The following CEP83 variants were observed in gnomAD, a reference collection of about 807,000 sequenced individuals.
CEP83 encodes the protein centrosomal protein 83.
A neutral mutation model predicts 101.9 loss-of-function variants in CEP83; 70 were observed. That is an observed-to-expected ratio of 0.69 (90% CI 0.57 to 0.84). The LOEUF (loss-of-function observed/expected upper bound fraction) is 0.84. CEP83 is among the 40% of genes least tolerant of loss of function. CEP83 has a pLI of 0.00. For missense variants in CEP83, 715 were observed against 787.2 expected (o/e 0.91, Z 1.10); for synonymous variants, 264 against 267.9 (o/e 0.99, Z 0.14).
chr12:94,268,035 G>T, the CEP83 span, among the ~76,000 whole-genome samples: 1 of 152,180 alleles, frequency 6.6e-6, no homozygotes, highest in Non-Finnish European at 1.5e-5. Context: ...TCAAGGAAAG[G>T]AAAGTCGGAA....
chr12:94,378,785 T>C lies in CEP83; in HGVS notation c.801+6A>G. The C allele has an allele frequency of 6.2e-7, 1 of 1,613,620 alleles. No homozygotes were observed. The highest frequency in any genetic ancestry group is 8.5e-7 in the Non-Finnish European group (1 of 1,179,722). The stretch of plus-strand genomic sequence containing the variant: ...ATACTCTACTGGGAAGTAATTAGAA[T>C]CTTACCTCCAGGGATCTGACTGTAG... On this transcript the variant is annotated splice_donor_region_variant and intron_variant, in intron 7 of 16. Transcript: ENST00000397809.
At chr12:94,374,213 C>T (rs1327602601) in intron 8 of CEP83, among the ~76,000 whole-genome samples, 1 of 152,040 alleles carries the variant, frequency 6.6e-6, no homozygotes, top group Non-Finnish European at 1.5e-5. Context: ...AGGGTCAGCA[C>T]ACAGGTGAGC....
At chr12:94,434,739 C>G (rs1424061819) in intron 2 of CEP83, among the ~76,000 whole-genome samples, 3 of 152,170 alleles carry the variant, frequency 2.0e-5, no homozygotes, top group African/African-American at 7.2e-5. Context: ...CAAGTCTAAA[C>G]ATAAAATTCA....
chr12:94,325,183 T>C (rs2058921425), intron 14 of CEP83, among the ~76,000 whole-genome samples: 1 of 151,808 alleles, frequency 6.6e-6, no homozygotes, highest in South Asian at 2.1e-4. Flanking sequence ...CTCCCTTTTT[T>C]TTTTTTGAGA....
intron 16 of CEP83, among the ~76,000 whole-genome samples, 182 bp downstream of exon 16, chr12:94,309,736 A>C (rs902665841): frequency 6.6e-6 from 1 of 152,320 alleles, no homozygotes; most frequent in East Asian, 1.9e-4. Context: ...AACTGAATTC[A>C]GCAAATTTCT....
chr12:94,265,942 T>G, the CEP83 span, among the ~76,000 whole-genome samples: 1 of 152,162 alleles, frequency 6.6e-6, no homozygotes, highest in Non-Finnish European at 1.5e-5. Flanking sequence ...GGAAGGTAAC[T>G]TTAGAATTAG....
the CEP83 span, chr12:94,282,679 G>A: frequency 3.2e-5 from 9 of 280,162 alleles, no homozygotes; most frequent in African/African-American, 2.0e-4. Context: ...CAGGAAAAAA[G>A]TCTAGGAAAG....
chr12:94,424,706 A>G lies in CEP83; in HGVS notation c.-102+10569T>C, dbSNP rs796625574. On this transcript the variant is annotated intron_variant, in intron 2 of 16. Coordinates refer to ENST00000397809, the MANE Select transcript of CEP83 (RefSeq NM_016122.3). ...ACATTTGTTTGTGGTCTTGTCCAGT[A>G]CGGCCTTAGTGGAAACAATCTTGCC... 13 of 1,609,574 alleles carry G rather than the reference A, an allele frequency of 8.1e-6. No homozygotes were observed. The African/African-American group carries it at 1.7e-4, about 21-fold the overall frequency.
At chr12:94,296,846 T>C in the CEP83 span, among the ~76,000 whole-genome samples, 1 of 152,232 alleles carries the variant, frequency 6.6e-6, no homozygotes, top group South Asian at 2.1e-4. Flanking sequence ...GGGTGGGAAC[T>C]GGGTCTTATT....
the CEP83 span, among the ~76,000 whole-genome samples, chr12:94,279,278 TTC>T: frequency 2.6e-5 from 4 of 152,230 alleles, no homozygotes; most frequent in Admixed American, 1.3e-4. Flanking sequence ...AGTTTTAACT[TTC>T]TGTTTTCCCT....
chr12:94,290,027 T>C, the CEP83 span, among the ~76,000 whole-genome samples: 23,326 of 152,220 alleles, frequency 0.15, 2,039 homozygotes, highest in Middle Eastern at 0.19. Flanking sequence ...TTTGGCAGCG[T>C]TCCTTATCAG....
chr12:94,386,505 AG>A, intron 6 of CEP83, among the ~76,000 whole-genome samples: 1 of 152,158 alleles, frequency 6.6e-6, no homozygotes. Context: ...CTCAGCTCAA[AG>A]ATCATGTAGC....
chr12:94,293,655 G>A, the CEP83 span, among the ~76,000 whole-genome samples: 2 of 152,304 alleles, frequency 1.3e-5, no homozygotes, highest in South Asian at 4.1e-4. Context: ...GTCTCACTCT[G>A]TCGCCCAGGC....
chr12:94,303,919 A>T, downstream of CEP83: 1 of 1,607,684 alleles, frequency 6.2e-7, no homozygotes, highest in Admixed American at 1.7e-5. Flanking sequence ...AGCAGAAATA[A>T]GCTTATATTT....
At chr12:94,386,389 G>A (rs1268562681) in intron 6 of CEP83, among the ~76,000 whole-genome samples, 3 of 152,078 alleles carry the variant, frequency 2.0e-5, no homozygotes, top group Non-Finnish European at 2.9e-5. Context: ...CCACACATGC[G>A]CTAATCAATA....
the CEP83 span, among the ~76,000 whole-genome samples, chr12:94,287,797 T>C: frequency 6.5e-3 from 983 of 152,346 alleles, 15 homozygotes; most frequent in African/African-American, 0.023. Context: ...TGTTGCAGTG[T>C]GAATGTCTTT....
At chr12:94,343,271 C>A (rs924368168) in intron 11 of CEP83, among the ~76,000 whole-genome samples, 1 of 151,860 alleles carries the variant, frequency 6.6e-6, no homozygotes, top group Non-Finnish European at 1.5e-5. Context: ...TAAGAAGACA[C>A]CCATTCTAAG....
chr12:94,367,364 G>A (rs1012992076), intron 11 of CEP83, among the ~76,000 whole-genome samples: 1 of 152,210 alleles, frequency 6.6e-6, no homozygotes, highest in Non-Finnish European at 1.5e-5. Context: ...GAGGACACAT[G>A]ACTTTGATGT....
chr12:94,278,657 G>A, the CEP83 span, among the ~76,000 whole-genome samples: 62 of 152,292 alleles, frequency 4.1e-4, no homozygotes, highest in African/African-American at 1.5e-3. Flanking sequence ...TGTTGAAAGC[G>A]GAGGGGTAGA....
Sources: gnomAD v4.1 joint callset for allele counts (sites outside exome capture counted in the v4.1 genomes callset) on GRCh38, gnomAD v4.1.1 for gene constraint, MANE v1.5 for transcripts, NCBI Gene and HGNC (gene_info 2026-07-23, HGNC 2026-07-21) for gene names.